Variants in DOCK10 observed in about 807,000 individuals in gnomAD.
DOCK10 encodes the protein dedicator of cytokinesis 10, also known as dedicator of cytokinesis protein 10.
Under a neutral mutation model 280.1 loss-of-function variants are expected in DOCK10, and 145 were observed. That is an observed-to-expected ratio of 0.52 (90% CI 0.45 to 0.59). The LOEUF (loss-of-function observed/expected upper bound fraction) is 0.59, where lower values mean the gene tolerates loss of function less well. Ranked by LOEUF, DOCK10 falls within the 20% of genes least tolerant of loss-of-function variation. The pLI is 0.00. For missense variants in DOCK10, 2,368 were observed against 2,651.7 expected, an observed-to-expected ratio of 0.89 and a Z score of 2.35; for synonymous variants, 915 against 942.2, an observed-to-expected ratio of 0.97 and a Z score of 0.53.
chr2:224,908,050 G>C lies in DOCK10; in HGVS notation c.333+8645C>G, dbSNP rs149841199. ...CTAATTAAAGACTCTGAATGTGTGT[G>C]TGTGTGTGTGTATGTTTCTATGTGT... is the stretch of plus-strand genomic sequence containing the variant. On this transcript the variant is annotated intron_variant, in intron 3 of 55. Coordinates refer to ENST00000258390, the MANE Select transcript of DOCK10 (RefSeq NM_014689.3). Among the ~76,000 whole-genome samples, 143 of 152,332 alleles carry C rather than the reference G, an allele frequency of 9.4e-4. 1 individual carries two copies. The East Asian group carries it at 0.027, about 29-fold the overall frequency.
At chr2:224,985,480 C>G (rs1031244678) in intron 1 of DOCK10, among the ~76,000 whole-genome samples, 1 of 151,832 alleles carries the variant, frequency 6.6e-6, no homozygotes, top group Admixed American at 6.6e-5. Flanking sequence ...GCAGAGATAG[C>G]CGTGTTGTGT....
intron 1 of DOCK10, among the ~76,000 whole-genome samples, chr2:225,003,729 T>C (rs1706498664): frequency 6.6e-6 from 1 of 152,212 alleles, no homozygotes; most frequent in Admixed American, 6.5e-5. Context: ...GGCCATCCTA[T>C]CTCTTAAACC....
At position 224,918,213 on chromosome 2, in the gene DOCK10, A is replaced by C. The variant is rs144856126; in HGVS notation, c.244-1429T>G. ...AAGTGCAGGACATTTTATTTTGTTC[A>C]CTTATAACCTCAGTGCTAGTTGGAT... On this transcript the variant is annotated intron_variant, in intron 2 of 55. Coordinates refer to ENST00000258390, the MANE Select transcript of DOCK10 (RefSeq NM_014689.3). Among the ~76,000 whole-genome samples, 555 of 152,214 alleles carry C rather than the reference A, an allele frequency of 3.6e-3. 9 individuals are homozygous for C. The highest frequency in any genetic ancestry group is 0.013 in the African/African-American group (530 of 41,522).
At chr2:224,899,991 T>C (rs1342831931) in intron 3 of DOCK10, among the ~76,000 whole-genome samples, 1 of 152,204 alleles carries the variant, frequency 6.6e-6, no homozygotes, top group Non-Finnish European at 1.5e-5. Flanking sequence ...ATTTAGTTCT[T>C]GGGCATTCAC....
At chr2:224,797,244 T>C (rs1269765873) in intron 42 of DOCK10, 98 bp from the exon 43 acceptor site, 6 of 367,730 alleles carry the variant, frequency 1.6e-5, no homozygotes, top group South Asian at 8.4e-5. Flanking sequence ...ATCCCTCTCC[T>C]TTTTTTTTTT....
At chr2:224,966,399 T>C (rs578049118) in intron 1 of DOCK10, among the ~76,000 whole-genome samples, 6 of 150,708 alleles carry the variant, frequency 4.0e-5, no homozygotes, top group African/African-American at 1.5e-4. Context: ...ACACAGGCTG[T>C]TTTGAATATA....
intron 1 of DOCK10, among the ~76,000 whole-genome samples, chr2:225,035,572 ATATATATATAT>A (rs1690227500): frequency 1.4e-5 from 1 of 69,956 alleles, no homozygotes; most frequent in African/African-American, 5.0e-5. Context: ...ATATATATAT[ATATATATATAT>A]ATATAACACT....
chr2:224,962,881 G>A (rs1247886446), intron 1 of DOCK10, among the ~76,000 whole-genome samples: 3 of 152,116 alleles, frequency 2.0e-5, no homozygotes, highest in Non-Finnish European at 2.9e-5. Context: ...TAACAATTAG[G>A]CAGCCTAGGA....
chr2:224,936,840 A>C (rs544755107), intron 1 of DOCK10, among the ~76,000 whole-genome samples: 8 of 152,296 alleles, frequency 5.3e-5, no homozygotes, highest in African/African-American at 1.9e-4. Context: ...GGTTTCTCAA[A>C]ACTATCATAT....
intron 7 of DOCK10, among the ~76,000 whole-genome samples, chr2:224,880,836 G>A (rs1024702836): frequency 6.6e-6 from 1 of 152,170 alleles, no homozygotes; most frequent in Non-Finnish European, 1.5e-5. Flanking sequence ...CTAGTATCTT[G>A]TATAGAATTT....
Position 224,765,526 on chromosome 2 carries a change from C to G in DOCK10, c.*195G>C. On this transcript the variant is annotated 3_prime_UTR_variant, in exon 56 of 56. Coordinates refer to ENST00000258390, the MANE Select transcript of DOCK10 (RefSeq NM_014689.3). ...TGGCAAATATTCAACCTGGCTTGAT[C>G]AACACTGCTCAAAGAAAAAAAAATT... The G allele has an allele frequency of 4.0e-6, 2 of 505,970 alleles. No homozygotes were observed. The highest frequency in any genetic ancestry group is 3.3e-5 in the East Asian group (1 of 30,092). 31.3% of individuals were successfully genotyped at this position (505,970 alleles called of 1,614,324 possible).
intron 1 of DOCK10, among the ~76,000 whole-genome samples, chr2:224,955,922 A>G (rs554800092): frequency 6.6e-6 from 1 of 152,358 alleles, no homozygotes; most frequent in African/African-American, 2.4e-5. Flanking sequence ...AGTTTATGAG[A>G]ATGACTCTCT....
chr2:224,787,022 C>G lies in DOCK10; in HGVS notation c.5655G>C (p.Gln1885His). 6.2e-7 allele frequency: 1 copy of G among 1,611,978 alleles called. No individual in the cohort carries two copies. The highest frequency in any genetic ancestry group is 8.5e-7 in the Non-Finnish European group (1 of 1,178,068). ...GCCGTGTTATTTCTGGTGAACTTAC[C>G]TGCCCATAAAATGCCACACGATAGT... Reference protein sequence around the residue: ...GRYYRVAFYGQGFFEEEEGKE... With the variant: ...GRYYRVAFYGHGFFEEEEGKE... Residue 1885 changes from glutamine to histidine, a missense_variant and splice_region_variant, in exon 50 of 56, where the codon CAG (glutamine) becomes CAC (histidine). Coordinates refer to ENST00000258390, the MANE Select transcript of DOCK10 (RefSeq NM_014689.3).
At position 225,026,701 on chromosome 2, in the gene DOCK10, G is replaced by C. The variant is rs12477815; in HGVS notation, c.123+15551C>G. Among the ~76,000 whole-genome samples the C allele has an allele frequency of 7.9e-3, 1,195 of 152,228 alleles. 8 individuals carry two copies. The highest frequency in any genetic ancestry group is 0.014 in the Middle Eastern group (4 of 294). On this transcript the variant is annotated intron_variant, in intron 1 of 55. Transcript: ENST00000258390. ...GAAGTAATTGAGGAACTTCAGGACA[G>C]AGATATCAATGGGCAGAGCTCAGAG...
Position 224,852,360 on chromosome 2 carries a change from T to C in DOCK10, c.2142+17A>G. 2 of 1,561,274 alleles carry C rather than the reference T, an allele frequency of 1.3e-6. No individual in the cohort carries two copies. The highest frequency in any genetic ancestry group is 1.7e-6 in the Non-Finnish European group (2 of 1,150,936). On this transcript the variant is annotated intron_variant, in intron 18 of 55. Transcript: ENST00000258390. ...CCTTCCCACTTTATGCTGGGTCCCT[T>C]TGCTGACTTGGCTCACCTTCAGGGG...
intron 33 of DOCK10, 156 bp downstream of exon 33, chr2:224,807,511 GA>G: frequency 1.8e-6 from 1 of 566,906 alleles, no homozygotes; most frequent in Non-Finnish European, 3.2e-6. Context: ...GACCTATCTG[GA>G]ACAAATGACA....
intron 15 of DOCK10, among the ~76,000 whole-genome samples, chr2:224,856,364 C>A (rs1697146498): frequency 6.6e-6 from 1 of 152,142 alleles, no homozygotes; most frequent in South Asian, 2.1e-4. Context: ...AGCATTACAG[C>A]CTTTCATGCT....
chr2:224,995,216 C>A (rs1310734886), intron 1 of DOCK10, among the ~76,000 whole-genome samples: 1 of 152,182 alleles, frequency 6.6e-6, no homozygotes, highest in African/African-American at 2.4e-5. Flanking sequence ...TATGACCAGT[C>A]TAAGTTACAC....
chr2:224,890,864 A>G (rs1699616407), intron 4 of DOCK10, among the ~76,000 whole-genome samples: 1 of 152,214 alleles, frequency 6.6e-6, no homozygotes, highest in Non-Finnish European at 1.5e-5. Context: ...TACTGTGGTC[A>G]AAAGTTATCA....
Sources: gnomAD v4.1 joint callset for allele counts (sites outside exome capture counted in the v4.1 genomes callset) on GRCh38, gnomAD v4.1.1 for gene constraint, MANE v1.5 for transcripts, NCBI Gene and HGNC (gene_info 2026-07-23, HGNC 2026-07-21) for gene names.